The following GLS2 variants were observed in gnomAD, a reference collection of about 807,000 sequenced individuals.
The protein encoded by GLS2 is glutaminase liver isoform, mitochondrial.
In GLS2, 52 loss-of-function variants were observed where a neutral mutation model predicts 79.0. The ratio of observed to expected loss-of-function variants is 0.66; its 90% CI spans 0.53 to 0.83. The LOEUF is 0.83. Ranked by LOEUF, GLS2 falls within the 40% of genes least tolerant of loss-of-function variation. The pLI, the probability that GLS2 is intolerant of heterozygous loss-of-function variation, is 0.00. For synonymous variants in GLS2, 238 were observed against 280.8 expected (o/e 0.85, Z 1.52); for missense variants, 561 against 764.8 (o/e 0.73, Z 3.14).
At chr12:56,479,410 AAAAT>A in intron 3 of GLS2, 1 of 493,520 alleles carries the variant, frequency 2.0e-6, no homozygotes, top group Non-Finnish European at 3.5e-6. Flanking sequence ...TATGAGAAAA[AAAAT>A]AAATACCAGA....
intron 11 of GLS2, 33 bp downstream of exon 11, chr12:56,474,813 C>T: frequency 6.2e-7 from 1 of 1,614,080 alleles, no homozygotes; most frequent in Non-Finnish European, 8.5e-7. Flanking sequence ...ACAGTCTGTC[C>T]TGTTCCCTCG....
At chr12:56,476,852 C>T (rs992119117) in intron 7 of GLS2, 2 of 152,270 alleles carry the variant, frequency 1.3e-5, no homozygotes, top group African/African-American at 4.8e-5. Flanking sequence ...CCTCGGCCTC[C>T]CAAAGTGTTG....
intron 7 of GLS2, chr12:56,477,357 C>T (rs1869911746): frequency 4.1e-6 from 1 of 245,996 alleles, no homozygotes; most frequent in Non-Finnish European, 7.8e-6. Context: ...GGCATTTGGC[C>T]CTTGGTCCTA....
At chr12:56,479,405 G>GA (rs71446556) in intron 3 of GLS2, 22 of 489,190 alleles carry the variant, frequency 4.5e-5, no homozygotes, top group Non-Finnish European at 4.5e-5. Context: ...TGGGATATGA[G>GA]AAAAAAAATA....
At position 56,474,865 on chromosome 12, in the gene GLS2, G is replaced by GTAGAGAT. The variant is rs755309973; in HGVS notation, c.1027_1028insATCTCTA (p.Ala343AspfsTer5). Reference sequence around the variant, plus strand: ...TCTTACCTGGAAGTAGAGATCAAGGGCAGCCATCATGTCCACCCCCTTAGG... The same window carrying GTAGAGAT: ...TCTTACCTGGAAGTAGAGATCAAGGGTAGAGATCAGCCATCATGTCCACCCCCTTAGG... On this transcript the variant is annotated frameshift_variant, in exon 11 of 18. Transcript: ENST00000311966. LOFTEE classifies it high-confidence loss of function. 6.2e-7 allele frequency: 1 copy of GTAGAGAT among 1,614,170 alleles called. No individual in the cohort carries two copies. Among genetic ancestry groups the GTAGAGAT allele is most frequent in the Non-Finnish European group, 8.5e-7 (1 of 1,180,030 alleles).
chr12:56,487,650 G>A, intron 1 of GLS2: 2 of 499,312 alleles, frequency 4.0e-6, no homozygotes, highest in South Asian at 2.6e-5. Context: ...TCAGACACGT[G>A]AGCCAAGCAA....
At position 56,475,241 on chromosome 12, in the gene GLS2, A is replaced by G. The variant is rs1592275292; in HGVS notation, c.930-131T>C. ...TAAATGAACCCCTTTATAACTTCTC[A>G]CAGTAATATTAGAGGAAATTTCTGA... On this transcript the variant is annotated intron_variant, in intron 9 of 17. Coordinates refer to ENST00000311966, the MANE Select transcript of GLS2 (RefSeq NM_013267.4). The G allele has an allele frequency of 5.1e-6, 8 of 1,583,940 alleles. No homozygotes were observed. The East Asian group carries it at 1.8e-4, about 35-fold the overall frequency.
intron 4 of GLS2, 85 bp from the exon 5 acceptor site, chr12:56,478,347 A>ATC: frequency 7.0e-7 from 1 of 1,420,246 alleles, no homozygotes; most frequent in Non-Finnish European, 9.8e-7. Flanking sequence ...AATCTTTTAG[A>ATC]TAAAAGCTAA....
In GLS2 at chr12:56,479,852, C is replaced by T; in HGVS notation, c.332G>A (p.Cys111Tyr). ...LQTSDPRLRD[C>Y]MSEMHRVVQE... ...GACCACGCGGTGCATCTCGCTCATGCAGTCTCGGAGCCGAGGATCTGATGT... is the reference window on the plus strand; with the variant it reads ...GACCACGCGGTGCATCTCGCTCATGTAGTCTCGGAGCCGAGGATCTGATGT... Residue 111 changes from cysteine to tyrosine, a missense_variant, in exon 3 of 18, where the codon TGC becomes TAC. By Grantham distance (194) the Cys-to-Tyr change is radical. This residue lies in a region of GLS2 where 161 missense variants were observed against 167.8 expected (regional missense o/e 0.96). Transcript: ENST00000311966. 6.2e-7 allele frequency: 1 copy of T among 1,612,738 alleles called. No homozygotes were observed. The highest frequency in any genetic ancestry group is 1.3e-5 in the African/African-American group (1 of 75,010).
Position 56,478,006 on chromosome 12 carries a change from A to T in GLS2, c.705T>A (p.Thr235=), listed in dbSNP as rs747968365. Residue 235 remains threonine (T), a synonymous_variant, in exon 6 of 18, where the codon ACT becomes ACA. Coordinates refer to ENST00000311966, the MANE Select transcript of GLS2 (RefSeq NM_013267.4). ...TGCCCACAAACTTGTGCACGTAGTC[A>T]GTGCCTAGGGTGCTTATGGAGATGG... ...TYAISISTLG[T]DYVHKFVGKE... 6.2e-7 allele frequency: 1 copy of T among 1,614,238 alleles called. No individual in the cohort carries two copies. The highest frequency in any genetic ancestry group is 1.1e-5 in the South Asian group (1 of 91,090).
chr12:56,486,990 GTGT>G (rs1198370787), intron 1 of GLS2, among the ~76,000 whole-genome samples: 1 of 122,534 alleles, frequency 8.2e-6, no homozygotes, highest in Non-Finnish European at 1.7e-5. Context: ...TGGTGAGGTA[GTGT>G]TGTGTCAGTC....
Position 56,477,648 on chromosome 12 carries a change from G to C in GLS2, c.837+12C>G, listed in dbSNP as rs769641021. The C allele has an allele frequency of 6.2e-7, 1 of 1,612,242 alleles. No individual in the cohort carries two copies. Among genetic ancestry groups the C allele is most frequent in the Non-Finnish European group, 8.5e-7 (1 of 1,178,886 alleles). On this transcript the variant is annotated intron_variant, in intron 7 of 17. Coordinates refer to ENST00000311966, the MANE Select transcript of GLS2 (RefSeq NM_013267.4). ...AGGATAATACCTATCAGAAGGTTAA[G>C]GTGGCACTGACCTTGATCAGGGAGC...
Position 56,472,677 on chromosome 12 carries a change from A to G in GLS2, c.1511+13T>C. The stretch of plus-strand genomic sequence containing the variant: ...AGTATTTTATTGTGTATATTTGGTC[A>G]CAGTAGCATTACCTTCGAAGAGCTG... On this transcript the variant is annotated intron_variant, in intron 15 of 17. Transcript: ENST00000311966. 6.2e-7 allele frequency: 1 copy of G among 1,612,186 alleles called. No homozygotes were observed.
At position 56,470,994 on chromosome 12, in the gene GLS2, C is replaced by CT; in HGVS notation, c.*492dup. 1 of 194,552 alleles carries CT rather than the reference C, an allele frequency of 5.1e-6. No individual in the cohort carries two copies. Among genetic ancestry groups the CT allele is most frequent in the Admixed American group, 6.1e-5 (1 of 16,450 alleles). The allele number at this position is 194,552 out of a possible 1,614,324, so 12.1% of individuals were successfully genotyped here. A position where few individuals can be genotyped will look rare whatever the true frequency, so the allele number is the denominator to read the frequency against. ...TTTATTTGAACACAAAATACTTTCT[C>CT]TGTCTATAAAATTGGCTGTTAGCAG... is the stretch of plus-strand genomic sequence containing the variant. On this transcript the variant is annotated 3_prime_UTR_variant, in exon 18 of 18. Coordinates refer to ENST00000311966, the MANE Select transcript of GLS2 (RefSeq NM_013267.4).
intron 14 of GLS2, 75 bp downstream of exon 14, chr12:56,473,153 T>C: frequency 2.9e-6 from 4 of 1,379,340 alleles, no homozygotes; most frequent in Non-Finnish European, 4.1e-6. Flanking sequence ...CCTCTCAAAG[T>C]GCAGGGATTA....
intron 4 of GLS2, 66 bp downstream of exon 4, chr12:56,478,986 G>GAAAAA: frequency 8.9e-6 from 12 of 1,354,478 alleles, no homozygotes; most frequent in Admixed American, 5.2e-5. Flanking sequence ...TCTGTCTCAG[G>GAAAAA]AAAAAAAAAA....
intron 10 of GLS2, 66 bp from the exon 11 acceptor site, chr12:56,474,962 C>T: frequency 6.2e-7 from 1 of 1,613,696 alleles, no homozygotes; most frequent in Non-Finnish European, 8.5e-7. Flanking sequence ...GTCAGGGTCT[C>T]AGCTGAAGCC....
At chr12:56,478,160 C>A (rs769367225) in intron 5 of GLS2, 23 bp downstream of exon 5, 3 of 1,614,196 alleles carry the variant, frequency 1.9e-6, no homozygotes, top group Non-Finnish European at 2.5e-6. Flanking sequence ...CCTGCCTCCC[C>A]TTCCTCTTGC....
rs1869789542 is a variant in GLS2 at position 56,476,147 on chromosome 12, G to A, written c.838-170C>T. On this transcript the variant is annotated intron_variant, in intron 7 of 17. Transcript: ENST00000311966. ...TTCTGAAAACACCGCACTTCCATTG[G>A]CTCCTCTCTTTCTCTTTCTTTTTTT... 4 of 611,532 alleles carry A rather than the reference G, an allele frequency of 6.5e-6. No individual in the cohort carries two copies. In the South Asian group the frequency reaches 8.0e-5, roughly 12 times the overall value. The allele number at this position is 611,532 out of a possible 1,614,324, so 37.9% of individuals were successfully genotyped here. A position where few individuals can be genotyped will look rare whatever the true frequency, so the allele number is the denominator to read the frequency against.
Sources: gnomAD v4.1 joint callset for allele counts (sites outside exome capture counted in the v4.1 genomes callset) on GRCh38, gnomAD v4.1.1 for gene constraint, gnomAD v4.1.1 regional missense constraint, MANE v1.5 for transcripts, NCBI Gene and HGNC (gene_info 2026-07-23, HGNC 2026-07-21) for gene names.